ACVR1: variants seen among roughly 807,000 people sequenced by gnomAD.
The protein encoded by ACVR1 is activin receptor type-1.
A neutral mutation model predicts 57.1 loss-of-function variants in ACVR1; 38 were observed. The observed-to-expected ratio is 0.67, with a 90% CI of 0.51 to 0.87. ACVR1 has a LOEUF of 0.87. ACVR1 is among the 40% of genes least tolerant of loss of function. The probability of loss-of-function intolerance (pLI) is 0.00; values close to 1 mark genes in which losing one functional copy is unlikely to be tolerated. For missense variants in ACVR1, 463 were observed against 638.2 expected, an observed-to-expected ratio of 0.73 and a Z score of 2.96; for synonymous variants, 212 against 228.1, an observed-to-expected ratio of 0.93 and a Z score of 0.63.
chr2:157,782,234 G>A (rs1686549528), intron 3 of ACVR1, among the ~76,000 whole-genome samples: 1 of 152,200 alleles, frequency 6.6e-6, no homozygotes, highest in African/African-American at 2.4e-5. Context: ...TCGTCCCACA[G>A]AGTAAGTGCA....
chr2:157,747,759 G>A (rs543988628), intron 9 of ACVR1, among the ~76,000 whole-genome samples: 2 of 152,124 alleles, frequency 1.3e-5, no homozygotes, highest in African/African-American at 2.4e-5. Context: ...GTGTGTGGGG[G>A]GGTGTACATT....
intron 2 of ACVR1, among the ~76,000 whole-genome samples, chr2:157,802,226 A>G (rs1687351358): frequency 6.6e-6 from 1 of 152,158 alleles, no homozygotes; most frequent in African/African-American, 2.4e-5. Context: ...GGGTGAATAC[A>G]GGACACAGAT....
chr2:157,785,069 A>G (rs571735107), intron 3 of ACVR1, among the ~76,000 whole-genome samples: 1 of 152,322 alleles, frequency 6.6e-6, no homozygotes, highest in South Asian at 2.1e-4. Context: ...AAAAACCAAC[A>G]TTTCCCACTA....
chr2:157,768,292 T>C (rs10497189), intron 7 of ACVR1, among the ~76,000 whole-genome samples: 10,560 of 152,208 alleles, frequency 0.069, 447 homozygotes, highest in Non-Finnish European at 0.1. Flanking sequence ...AATGTGTTCT[T>C]GGACATTAGT....
At chr2:157,843,682 A>G in intron 1 of ACVR1, among the ~76,000 whole-genome samples, 1 of 152,136 alleles carries the variant, frequency 6.6e-6, no homozygotes. Context: ...ATATCATGGG[A>G]AAGGATTAAC....
intron 9 of ACVR1, among the ~76,000 whole-genome samples, chr2:157,749,746 GC>G (rs1276619804): frequency 6.6e-6 from 1 of 152,154 alleles, no homozygotes; most frequent in Non-Finnish European, 1.5e-5. Flanking sequence ...CACCTCTAGG[GC>G]CCAAGCATGC....
At chr2:157,761,208 A>G (rs1187862986) in intron 8 of ACVR1, 131 bp from the exon 9 acceptor site, 1 of 796,494 alleles carries the variant, frequency 1.3e-6, no homozygotes. Context: ...ATACACTCAG[A>G]ATGATCCCTA....
chr2:157,802,207 G>A (rs1243706350), intron 2 of ACVR1, among the ~76,000 whole-genome samples: 10 of 152,134 alleles, frequency 6.6e-5, no homozygotes, highest in Non-Finnish European at 2.9e-5. Flanking sequence ...TGGGAGGTGT[G>A]GTGGGAGAGG....
chr2:157,844,859 C>T (rs1689081692), intron 1 of ACVR1, among the ~76,000 whole-genome samples: 1 of 152,102 alleles, frequency 6.6e-6, no homozygotes, highest in Non-Finnish European at 1.5e-5. Context: ...AAAGAGCTCC[C>T]TGGGCCCCCC....
intron 6 of ACVR1, 22 bp from the exon 7 acceptor site, chr2:157,770,536 T>C (rs1252196092): frequency 1.2e-6 from 2 of 1,613,672 alleles, no homozygotes; most frequent in East Asian, 2.2e-5. Flanking sequence ...AAAACATAGG[T>C]GACACAGAAC....
chr2:157,737,689 C>G, intron 10 of ACVR1, 24 bp from the exon 11 acceptor site: 1 of 1,613,988 alleles, frequency 6.2e-7, no homozygotes, highest in Non-Finnish European at 8.5e-7. Flanking sequence ...GAACAAACAC[C>G]ACAATGACAA....
chr2:157,751,804 C>G (rs1685202319), intron 9 of ACVR1, among the ~76,000 whole-genome samples: 1 of 152,172 alleles, frequency 6.6e-6, no homozygotes, highest in Admixed American at 6.5e-5. Flanking sequence ...GCAAGCCCCA[C>G]CCAAGGAGAG....
intron 3 of ACVR1, among the ~76,000 whole-genome samples, chr2:157,791,724 C>T (rs1223140614): frequency 6.6e-6 from 1 of 152,196 alleles, no homozygotes; most frequent in African/African-American, 2.4e-5. Flanking sequence ...CTGAGAAAGG[C>T]TTGATTCCTA....
At chr2:157,772,886 C>A (rs536490728) in intron 6 of ACVR1, among the ~76,000 whole-genome samples, 1 of 152,182 alleles carries the variant, frequency 6.6e-6, no homozygotes, top group Non-Finnish European at 1.5e-5. Flanking sequence ...ACCAAGCTCC[C>A]GCTGGTTACT....
intron 3 of ACVR1, among the ~76,000 whole-genome samples, chr2:157,782,784 C>G (rs746037875): frequency 6.6e-6 from 1 of 152,074 alleles, no homozygotes; most frequent in Non-Finnish European, 1.5e-5. Flanking sequence ...TATGCTTAAA[C>G]CTGAAATAAT....
At chr2:157,763,656 A>G (rs1279634675) in intron 8 of ACVR1, among the ~76,000 whole-genome samples, 1 of 152,150 alleles carries the variant, frequency 6.6e-6, no homozygotes, top group Non-Finnish European at 1.5e-5. Flanking sequence ...CAGTAGATCG[A>G]GGCTGCAGTG....
intron 1 of ACVR1, among the ~76,000 whole-genome samples, chr2:157,859,402 C>T (rs4664903): frequency 0.93 from 141,778 of 152,276 alleles, 66,845 homozygotes; most frequent in East Asian, 1. Flanking sequence ...GAAATAACCA[C>T]AAAAATGGGC....
At chr2:157,851,917 C>T (rs1689326208) in intron 1 of ACVR1, among the ~76,000 whole-genome samples, 1 of 145,796 alleles carries the variant, frequency 6.9e-6, no homozygotes, top group Non-Finnish European at 1.5e-5. Context: ...ACACCACCCC[C>T]ACCCCACCCG....
rs2105228327 is a variant in ACVR1, at chr2:157,746,078, A to C, written c.1265-7508T>G. Among the ~76,000 whole-genome samples, 2 of 152,308 alleles carry C rather than the reference A, an allele frequency of 1.3e-5. 1 individual carries two copies. Among genetic ancestry groups the C allele is most frequent in the South Asian group, 4.1e-4 (2 of 4,830 alleles). ...AAATAATCAAAGCCAGTAACAGTGA[A>C]ACAAGAGTATGTCCACAGAGCCTTC... On this transcript the variant is annotated intron_variant, in intron 9 of 10. Coordinates refer to ENST00000434821, the MANE Select transcript of ACVR1 (RefSeq NM_001111067.4).
Sources: gnomAD v4.1 joint callset for allele counts (sites outside exome capture counted in the v4.1 genomes callset) on GRCh38, gnomAD v4.1.1 for gene constraint, MANE v1.5 for transcripts, NCBI Gene and HGNC (gene_info 2026-07-23, HGNC 2026-07-21) for gene names.